The following GNB4 variants were observed in gnomAD, a reference collection of about 807,000 sequenced individuals.
GNB4 encodes the protein G protein subunit beta 4, also known as guanine nucleotide-binding protein subunit beta-4.
In GNB4, 28 loss-of-function variants were observed where a neutral mutation model predicts 45.2. The observed-to-expected ratio is 0.62, with a 90% confidence interval of 0.46 to 0.85. The LOEUF (loss-of-function observed/expected upper bound fraction) is 0.85. Ranked by LOEUF, GNB4 falls within the 40% of genes least tolerant of loss-of-function variation. GNB4 has a pLI of 0.00. For synonymous variants in GNB4, 132 were observed against 143.7 expected (o/e 0.92, Z 0.58); for missense variants, 321 against 425.4 (o/e 0.75, Z 2.16).
At chr3:179,522,254 A>G in the GNB4 span, among the ~76,000 whole-genome samples, 1 of 152,014 alleles carries the variant, frequency 6.6e-6, no homozygotes, top group Admixed American at 6.6e-5. Flanking sequence ...TCCTGGCTCA[A>G]AAGCTCCCCC....
chr3:179,465,078 T>C, the GNB4 span: 1 of 1,463,774 alleles, frequency 6.8e-7, no homozygotes, highest in African/African-American at 1.4e-5. Flanking sequence ...AAACATACAA[T>C]TCTTGCAGAT....
At chr3:179,413,994 A>G (rs1354463014) in intron 6 of GNB4, among the ~76,000 whole-genome samples, 2 of 152,206 alleles carry the variant, frequency 1.3e-5, no homozygotes, top group Non-Finnish European at 2.9e-5. Flanking sequence ...AACTATGTTA[A>G]TGACATTGTG....
At chr3:179,489,692 G>A in the GNB4 span, among the ~76,000 whole-genome samples, 1 of 152,024 alleles carries the variant, frequency 6.6e-6, no homozygotes, top group African/African-American at 2.4e-5. Flanking sequence ...ATTTCTGCAG[G>A]CAATCTTTTC....
At chr3:179,496,985 A>G in the GNB4 span, among the ~76,000 whole-genome samples, 2 of 152,114 alleles carry the variant, frequency 1.3e-5, no homozygotes, top group African/African-American at 4.8e-5. Context: ...GACTAGAAGG[A>G]CCTAAAAGAC....
intron 4 of GNB4, among the ~76,000 whole-genome samples, chr3:179,418,470 C>CAAAAAA (rs386356535): frequency 3.4e-4 from 32 of 95,334 alleles, no homozygotes; most frequent in South Asian, 7.2e-4. Flanking sequence ...AACTCTGTCT[C>CAAAAAA]AAAAAAAAAA....
chr3:179,406,488 AAAAAG>A (rs1714473098), intron 8 of GNB4, among the ~76,000 whole-genome samples: 1 of 152,192 alleles, frequency 6.6e-6, no homozygotes, highest in East Asian at 1.9e-4. Context: ...GTCTATTGTG[AAAAAG>A]TGTGAGGTTA....
the GNB4 span, among the ~76,000 whole-genome samples, chr3:179,517,376 G>A: frequency 9.9e-5 from 15 of 150,972 alleles, no homozygotes; most frequent in East Asian, 9.8e-4. Context: ...ATCTCCCTTC[G>A]CTGACTGTCT....
intron 8 of GNB4, 129 bp downstream of exon 8, chr3:179,413,283 G>T: frequency 2.9e-6 from 2 of 689,496 alleles, no homozygotes; most frequent in Non-Finnish European, 5.0e-6. Context: ...CTTATGACTT[G>T]GAGATTCAAA....
At chr3:179,524,071 T>C in the GNB4 span, among the ~76,000 whole-genome samples, 1 of 152,198 alleles carries the variant, frequency 6.6e-6, no homozygotes, top group Non-Finnish European at 1.5e-5. Context: ...GAAAGTAATG[T>C]GGAGTGGGTA....
At chr3:179,446,250 T>C (rs1287862158) in intron 1 of GNB4, among the ~76,000 whole-genome samples, 3 of 152,234 alleles carry the variant, frequency 2.0e-5, no homozygotes, top group African/African-American at 4.8e-5. Context: ...GCACTGACTC[T>C]GGTCCTCCAC....
At position 179,396,314 on chromosome 3, in the gene GNB4, G is replaced by A. The variant is rs1714112031; in HGVS notation, c.*4899C>T. The A allele has an allele frequency of 6.6e-6, 1 of 152,182 alleles. No individual in the cohort carries two copies. The highest frequency in any genetic ancestry group is 2.4e-5 in the African/African-American group (1 of 41,450). 9.4% of individuals were successfully genotyped at this position (152,182 alleles called of 1,614,324 possible). On this transcript the variant is annotated 3_prime_UTR_variant, in exon 10 of 10. Coordinates refer to ENST00000232564, the MANE Select transcript of GNB4 (RefSeq NM_021629.4). The stretch of plus-strand genomic sequence containing the variant: ...CATTCATGTTCAGTTGACCACGAGT[G>A]TGTACAAATCATTCTAGGTAAAGAC...
chr3:179,523,336 TC>T, the GNB4 span, among the ~76,000 whole-genome samples: 1 of 151,944 alleles, frequency 6.6e-6, no homozygotes, highest in South Asian at 2.1e-4. Flanking sequence ...GGTGTCAGGG[TC>T]AGTCTAAGTG....
the GNB4 span, among the ~76,000 whole-genome samples, chr3:179,472,100 G>A: frequency 2.3e-4 from 35 of 151,982 alleles, no homozygotes; most frequent in Admixed American, 1.6e-3. Flanking sequence ...CTCACTAAAC[G>A]TAAAGGTAAA....
At chr3:179,458,859 C>G in the GNB4 span, among the ~76,000 whole-genome samples, 2 of 152,014 alleles carry the variant, frequency 1.3e-5, no homozygotes. Flanking sequence ...AAATAGATAT[C>G]AAAACTCATC....
intron 9 of GNB4, among the ~76,000 whole-genome samples, chr3:179,402,967 G>T (rs572840385): frequency 6.6e-6 from 1 of 152,166 alleles, no homozygotes; most frequent in Non-Finnish European, 1.5e-5. Flanking sequence ...GCACAGATGC[G>T]ATTGATAAAA....
intron 1 of GNB4, among the ~76,000 whole-genome samples, chr3:179,449,863 T>C (rs1715824632): frequency 6.6e-6 from 1 of 152,220 alleles, no homozygotes; most frequent in South Asian, 2.1e-4. Flanking sequence ...TAGTTCCAAT[T>C]CTTAATTTTC....
At chr3:179,430,937 T>G (rs73045191) in intron 1 of GNB4, among the ~76,000 whole-genome samples, 4,435 of 152,338 alleles carry the variant, frequency 0.029, 191 homozygotes, top group African/African-American at 0.091. Flanking sequence ...TTTGCTGTAT[T>G]TGCTTTATCT....
intron 9 of GNB4, among the ~76,000 whole-genome samples, chr3:179,403,339 G>A (rs1291135028): frequency 2.0e-5 from 3 of 151,782 alleles, no homozygotes; most frequent in African/African-American, 7.3e-5. Flanking sequence ...GATGATGCTT[G>A]AAGAAGAAAC....
intron 1 of GNB4, among the ~76,000 whole-genome samples, chr3:179,441,549 C>T (rs970249256): frequency 2.6e-5 from 4 of 152,006 alleles, no homozygotes; most frequent in African/African-American, 9.7e-5. Context: ...GCCTGGCCAA[C>T]ATGGTGAAAC....
Sources: allele counts gnomAD v4.1 joint callset (sites outside exome capture counted in the v4.1 genomes callset), GRCh38; gene constraint gnomAD v4.1.1; transcripts MANE v1.5; gene names NCBI Gene and HGNC (gene_info 2026-07-23, HGNC 2026-07-21).